Variants in POU2F3 observed in about 807,000 individuals in gnomAD.
POU2F3 encodes POU domain, class 2, transcription factor 3.
Under a neutral mutation model 59.2 loss-of-function variants are expected in POU2F3, and 23 were observed. The observed-to-expected ratio is 0.39, with a 90% CI of 0.28 to 0.55. The LOEUF (loss-of-function observed/expected upper bound fraction) is 0.55, where lower values mean the gene tolerates loss of function less well. POU2F3 is among the 20% of genes least tolerant of loss of function. POU2F3 has a pLI of 0.66. For missense variants in POU2F3, 473 were observed against 544.5 expected (o/e 0.87, Z 1.31); for synonymous variants, 190 against 214.6 (o/e 0.89, Z 1.00).
At chr11:120,253,176 C>T (rs1185754416) in intron 2 of POU2F3, among the ~76,000 whole-genome samples, 2 of 152,152 alleles carry the variant, frequency 1.3e-5, no homozygotes, top group Non-Finnish European at 2.9e-5. Context: ...ACTTACCATG[C>T]GTACTCAACA....
intron 2 of POU2F3, among the ~76,000 whole-genome samples, chr11:120,252,834 A>T (rs1186350574): frequency 6.6e-6 from 1 of 152,152 alleles, no homozygotes; most frequent in East Asian, 1.9e-4. Context: ...AGCCGTGAGG[A>T]GTTGGCTAGC....
At chr11:120,242,960 G>A (rs1938725985) in intron 1 of POU2F3, among the ~76,000 whole-genome samples, 1 of 152,138 alleles carries the variant, frequency 6.6e-6, no homozygotes, top group Non-Finnish European at 1.5e-5. Flanking sequence ...GCGGGCGGGG[G>A]CACACCTGGT....
At chr11:120,261,065 C>CA (rs1334545670) in intron 2 of POU2F3, among the ~76,000 whole-genome samples, 3 of 150,630 alleles carry the variant, frequency 2.0e-5, no homozygotes, top group African/African-American at 4.9e-5. Flanking sequence ...GACATTGTCT[C>CA]AAAAAAACAG....
chr11:120,287,361 G>C (rs545805601), intron 3 of POU2F3, among the ~76,000 whole-genome samples: 40 of 152,198 alleles, frequency 2.6e-4, no homozygotes, highest in Non-Finnish European at 5.4e-4. Flanking sequence ...CTAAGTGATG[G>C]ACATTATGCA....
At chr11:120,247,484 T>G (rs904483521) in intron 2 of POU2F3, among the ~76,000 whole-genome samples, 1 of 152,230 alleles carries the variant, frequency 6.6e-6, no homozygotes, top group African/African-American at 2.4e-5. Flanking sequence ...GCTCCCCAGT[T>G]TAATACTGAA....
chr11:120,237,624 G>A (rs954001558), upstream of POU2F3, among the ~76,000 whole-genome samples: 3 of 152,170 alleles, frequency 2.0e-5, no homozygotes, highest in South Asian at 2.1e-4. Context: ...TAAGGTGGTC[G>A]GAGAATGAGA....
At chr11:120,278,129 T>G (rs1049765148) in intron 3 of POU2F3, among the ~76,000 whole-genome samples, 3 of 152,212 alleles carry the variant, frequency 2.0e-5, no homozygotes, top group Admixed American at 6.5e-5. Context: ...AAAGATACTT[T>G]GTGTTCACAT....
intron 2 of POU2F3, chr11:120,256,381 T>C (rs1463678363): frequency 6.6e-6 from 1 of 152,246 alleles, no homozygotes. Context: ...ATGATAATGC[T>C]ATTTGCTATT....
chr11:120,265,094 TG>T (rs1939770749), intron 2 of POU2F3, among the ~76,000 whole-genome samples: 1 of 151,902 alleles, frequency 6.6e-6, no homozygotes, highest in African/African-American at 2.4e-5. Flanking sequence ...GTAGGCTGGG[TG>T]GGGAGAGCTG....
At chr11:120,318,259 G>A in intron 12 of POU2F3, 94 bp from the exon 13 acceptor site, 2 of 1,234,312 alleles carry the variant, frequency 1.6e-6, no homozygotes, top group African/African-American at 1.5e-5. Flanking sequence ...ACTCCTACCT[G>A]CAAAAGCCCC....
rs143725838 is a variant in POU2F3 at position 120,244,645 on chromosome 11, C to A, written c.29-1804C>A. 2.0e-3 allele frequency among the ~76,000 whole-genome samples: 312 copies of A among 152,290 alleles called. 1 individual carries two copies. The highest frequency in any genetic ancestry group is 7.3e-3 in the African/African-American group (304 of 41,574). On this transcript the variant is annotated intron_variant, in intron 1 of 12. Transcript: ENST00000543440. ...ACTTCCTGTGCACCTTTCCAGCAGTCTCTGACTCAGGGCCTCTTCTCAGCA... is the reference window on the plus strand; with the variant it reads ...ACTTCCTGTGCACCTTTCCAGCAGTATCTGACTCAGGGCCTCTTCTCAGCA...
upstream of POU2F3, chr11:120,236,709 TA>T: frequency 2.7e-6 from 4 of 1,488,850 alleles, no homozygotes; most frequent in Non-Finnish European, 3.6e-6. Flanking sequence ...GAGGAAGGGG[TA>T]AAGGAGTTCT....
intron 9 of POU2F3, 76 bp downstream of exon 9, chr11:120,307,691 T>C: frequency 5.1e-6 from 8 of 1,575,816 alleles, no homozygotes; most frequent in Non-Finnish European, 6.1e-6. Flanking sequence ...CCAGGCCCCT[T>C]GGCACCAGCC....
intron 2 of POU2F3, among the ~76,000 whole-genome samples, chr11:120,266,458 C>G (rs1939830241): frequency 6.6e-6 from 1 of 152,124 alleles, no homozygotes; most frequent in Admixed American, 6.5e-5. Context: ...TTGGAACTCT[C>G]AGATTGACCC....
upstream of POU2F3, chr11:120,236,646 C>G (rs1353721477): frequency 6.8e-6 from 10 of 1,477,718 alleles, no homozygotes; most frequent in Non-Finnish European, 8.2e-6. Flanking sequence ...CTATCTCACT[C>G]CAGCCCAGAG....
chr11:120,248,332 G>T (rs1938953181), intron 2 of POU2F3, among the ~76,000 whole-genome samples: 1 of 152,164 alleles, frequency 6.6e-6, no homozygotes, highest in South Asian at 2.1e-4. Flanking sequence ...CTGCTTACTG[G>T]CTGCATGACC....
At chr11:120,277,911 G>A (rs1214546454) in intron 3 of POU2F3, among the ~76,000 whole-genome samples, 1 of 152,182 alleles carries the variant, frequency 6.6e-6, no homozygotes, top group Non-Finnish European at 1.5e-5. Context: ...TCCCCTAAAA[G>A]GTTTAATGAG....
chr11:120,272,965 C>A (rs1225697415), intron 3 of POU2F3, among the ~76,000 whole-genome samples: 28 of 152,186 alleles, frequency 1.8e-4, no homozygotes, highest in Non-Finnish European at 4.4e-5. Context: ...GTCTGAGGCC[C>A]CAAACAGTCT....
At chr11:120,239,028 G>T (rs1426389842), upstream of POU2F3, among the ~76,000 whole-genome samples, 1 of 152,082 alleles carries the variant, frequency 6.6e-6, no homozygotes, top group East Asian at 1.9e-4. Flanking sequence ...CGAAATGCTG[G>T]GTGTTATCGT....
Sources: allele counts gnomAD v4.1 joint callset (sites outside exome capture counted in the v4.1 genomes callset), GRCh38; gene constraint gnomAD v4.1.1; transcripts MANE v1.5; gene names NCBI Gene and HGNC (gene_info 2026-07-23, HGNC 2026-07-21).